Variants in PPP6R2 observed in about 807,000 individuals in gnomAD.
The protein encoded by PPP6R2 is protein phosphatase 6 regulatory subunit 2, also known as serine/threonine-protein phosphatase 6 regulatory subunit 2.
PPP6R2 carries 62 observed loss-of-function variants against 100.2 expected under a neutral mutation model. The observed-to-expected ratio is 0.62, with a 90% CI of 0.50 to 0.76. PPP6R2 has a LOEUF of 0.76. Among genes scored for constraint, PPP6R2 ranks in the 30% least tolerant of loss-of-function variants. PPP6R2 has a pLI of 0.00. For synonymous variants in PPP6R2, 525 were observed against 514.7 expected (o/e 1.02, Z -0.27); for missense variants, 1,142 against 1,276.3 (o/e 0.89, Z 1.60).
At chr22:50,358,449 A>T (rs2047066148) in intron 1 of PPP6R2, among the ~76,000 whole-genome samples, 1 of 152,162 alleles carries the variant, frequency 6.6e-6, no homozygotes, top group Admixed American at 6.6e-5. Context: ...TTACAGTGGT[A>T]GCTTTTGTAT....
intron 10 of PPP6R2, among the ~76,000 whole-genome samples, chr22:50,424,457 TC>T (rs1423001993): frequency 1.0e-5 from 1 of 100,002 alleles, no homozygotes; most frequent in Non-Finnish European, 2.0e-5. Flanking sequence ...GGAACGTCTG[TC>T]AGCGTGTGGA....
intron 19 of PPP6R2, among the ~76,000 whole-genome samples, 155 bp downstream of exon 19, chr22:50,438,917 G>A (rs1479788673): frequency 1.3e-5 from 2 of 152,222 alleles, no homozygotes; most frequent in East Asian, 3.9e-4. Context: ...GCCGTCCTGA[G>A]TAGGGGTCTG....
In PPP6R2 at chr22:50,444,188, C is replaced by A; in HGVS notation, c.2832-11C>A. On this transcript the variant is annotated splice_polypyrimidine_tract_variant and intron_variant, in intron 23 of 23. Coordinates refer to ENST00000612753, the MANE Select transcript of PPP6R2 (RefSeq NM_001242898.2). Reference sequence around the variant, plus strand: ...AGCCCGCACGGTTCCAACCCCACCCCATTCCTGCAGGAAGACAGATGCCCC... The same window carrying A: ...AGCCCGCACGGTTCCAACCCCACCCAATTCCTGCAGGAAGACAGATGCCCC... 2 of 1,612,862 alleles carry A rather than the reference C, an allele frequency of 1.2e-6. No individual in the cohort carries two copies. Among genetic ancestry groups the A allele is most frequent in the Non-Finnish European group, 1.7e-6 (2 of 1,179,680 alleles).
chr22:50,392,906 G>GT (rs1452258745), intron 2 of PPP6R2, among the ~76,000 whole-genome samples: 3 of 152,166 alleles, frequency 2.0e-5, no homozygotes, highest in Non-Finnish European at 2.9e-5. Context: ...GTTTTTCTAA[G>GT]TAAAAAATTA....
chr22:50,372,497 C>T (rs928806603), intron 2 of PPP6R2, among the ~76,000 whole-genome samples: 1 of 151,390 alleles, frequency 6.6e-6, no homozygotes, highest in Non-Finnish European at 1.5e-5. Flanking sequence ...TGCAGTGAGC[C>T]GAGATCGTGT....
At chr22:50,429,474 T>C (rs1168128864) in intron 10 of PPP6R2, among the ~76,000 whole-genome samples, 1 of 152,276 alleles carries the variant, frequency 6.6e-6, no homozygotes, top group Non-Finnish European at 1.5e-5. Context: ...CACTTTATCC[T>C]GGTATATAAT....
intron 1 of PPP6R2, among the ~76,000 whole-genome samples, chr22:50,370,512 T>C (rs995451845): frequency 5.5e-4 from 83 of 151,780 alleles, no homozygotes; most frequent in African/African-American, 9.9e-4. Flanking sequence ...TGGTCTCGAA[T>C]GCCTGACCTC....
At chr22:50,398,876 C>T (rs558928150) in intron 3 of PPP6R2, among the ~76,000 whole-genome samples, 3 of 152,348 alleles carry the variant, frequency 2.0e-5, no homozygotes, top group Admixed American at 2.0e-4. Flanking sequence ...GTTAAGATTT[C>T]TTTCTTCCTT....
chr22:50,375,285 AAAAG>A (rs1410114993), intron 2 of PPP6R2, among the ~76,000 whole-genome samples: 1 of 152,204 alleles, frequency 6.6e-6, no homozygotes, highest in African/African-American at 2.4e-5. Context: ...AAACATAAAT[AAAAG>A]AACTGACAAA....
At chr22:50,375,991 TC>T (rs764236859) in intron 2 of PPP6R2, among the ~76,000 whole-genome samples, 19 of 151,642 alleles carry the variant, frequency 1.3e-4, no homozygotes, top group Non-Finnish European at 2.5e-4. Context: ...TAGGCGTGTG[TC>T]CGGCTAATTT....
chr22:50,334,529 A>C, the PPP6R2 span, among the ~76,000 whole-genome samples: 2 of 152,138 alleles, frequency 1.3e-5, no homozygotes, highest in Non-Finnish European at 2.9e-5. Context: ...TTCTCGTCGT[A>C]TATGTTTCCT....
At chr22:50,426,403 C>T (rs2062134866) in intron 10 of PPP6R2, among the ~76,000 whole-genome samples, 1 of 152,154 alleles carries the variant, frequency 6.6e-6, no homozygotes, top group African/African-American at 2.4e-5. Context: ...TCTATGCTTC[C>T]TTCAAAAAGT....
At chr22:50,433,695 T>C (rs2063611252) in intron 12 of PPP6R2, among the ~76,000 whole-genome samples, 1 of 15,194 alleles carries the variant, frequency 6.6e-5, no homozygotes. Context: ...GCCGGGCATT[T>C]GCTCTGGAGG....
intron 5 of PPP6R2, 73 bp from the exon 6 acceptor site, chr22:50,416,019 C>T: frequency 7.1e-7 from 1 of 1,416,984 alleles, no homozygotes; most frequent in Non-Finnish European, 1.0e-6. Context: ...CAGTGCTGCA[C>T]CAAAGGGGAA....
At chr22:50,370,463 G>A (rs868174960) in intron 1 of PPP6R2, among the ~76,000 whole-genome samples, 25 of 149,540 alleles carry the variant, frequency 1.7e-4, no homozygotes, top group African/African-American at 3.2e-4. Flanking sequence ...AATTTTTTGT[G>A]TTTTTAGTAG....
chr22:50,375,397 T>C (rs1393106015), intron 2 of PPP6R2, among the ~76,000 whole-genome samples: 1 of 152,170 alleles, frequency 6.6e-6, no homozygotes, highest in African/African-American at 2.4e-5. Flanking sequence ...TGAGGGCATT[T>C]GCTCATGTGG....
rs905378342 is a variant in PPP6R2 at position 50,369,946 on chromosome 22, G to A, written c.-147-2074G>A. On this transcript the variant is annotated intron_variant, in intron 1 of 23. Coordinates refer to ENST00000612753, the MANE Select transcript of PPP6R2 (RefSeq NM_001242898.2). The stretch of plus-strand genomic sequence containing the variant: ...TTTTTTTAAGTAGAGGCAAGGTCTC[G>A]CTGTGTTGCTCAGGCTGGTCTTAAA... Among the ~76,000 whole-genome samples the A allele has an allele frequency of 8.8e-5, 12 of 136,574 alleles. No homozygotes were observed. In the South Asian group the frequency reaches 1.6e-3, roughly 18 times the overall value. 89.6% of individuals were successfully genotyped at this position (136,574 alleles called of 152,430 possible).
intron 5 of PPP6R2, among the ~76,000 whole-genome samples, chr22:50,415,651 C>T (rs949420505): frequency 2.6e-5 from 4 of 152,256 alleles, no homozygotes; most frequent in African/African-American, 9.6e-5. Flanking sequence ...ACTGGGCCCC[C>T]GTTGCCCTTG....
chr22:50,439,472 C>T (rs1289828420), intron 19 of PPP6R2, among the ~76,000 whole-genome samples: 1 of 152,180 alleles, frequency 6.6e-6, no homozygotes, highest in African/African-American at 2.4e-5. Flanking sequence ...AGGCACCTGA[C>T]TGAGCCCCAG....
Sources: gnomAD v4.1 joint callset for allele counts (sites outside exome capture counted in the v4.1 genomes callset) on GRCh38, gnomAD v4.1.1 for gene constraint, MANE v1.5 for transcripts, NCBI Gene and HGNC (gene_info 2026-07-23, HGNC 2026-07-21) for gene names.